The following ZNF655 variants were observed in gnomAD, a reference collection of about 807,000 sequenced individuals.
The protein encoded by ZNF655 is Vav-interacting Kruppel-like protein 1.
Under a neutral mutation model 6.6 loss-of-function variants are expected in ZNF655, and 3 were observed. That is an observed-to-expected ratio of 0.46 (90% confidence interval 0.21 to 1.18). ZNF655 has a LOEUF of 1.18. Ranked by LOEUF, ZNF655 falls within the 50% of genes most tolerant of loss-of-function variation. ZNF655 has a pLI of 0.24. For missense variants in ZNF655, 526 were observed against 572.3 expected (o/e 0.92, Z 0.83); for synonymous variants, 178 against 195.0 (o/e 0.91, Z 0.73).
intron 2 of ZNF655, chr7:99,562,577 G>T: frequency 7.0e-7 from 1 of 1,423,306 alleles, no homozygotes; most frequent in Non-Finnish European, 9.5e-7. Context: ...TCTCTGAGAA[G>T]GTCTGTAGAG....
intron 2 of ZNF655, chr7:99,562,243 T>A: frequency 2.4e-6 from 3 of 1,229,730 alleles, no homozygotes; most frequent in Non-Finnish European, 3.4e-6. Flanking sequence ...TTCCGTAGGT[T>A]CTAATCTGTT....
At chr7:99,561,218 AT>A (rs1167292934) in intron 2 of ZNF655, among the ~76,000 whole-genome samples, 2 of 152,206 alleles carry the variant, frequency 1.3e-5, no homozygotes, top group Non-Finnish European at 2.9e-5. Flanking sequence ...TATATACTGT[AT>A]TTTGACTACG....
At chr7:99,562,597 G>A in intron 2 of ZNF655, 1 of 1,212,788 alleles carries the variant, frequency 8.2e-7, no homozygotes, top group Non-Finnish European at 1.1e-6. Context: ...GTGTGGCTTA[G>A]ATTCCAGGAC....
Position 99,573,510 on chromosome 7 carries a change from G to A in ZNF655, c.1402G>A (p.Val468Ile), listed in dbSNP as rs755864912. Residue 468 changes from valine to isoleucine, a missense_variant, in exon 3 of 3, where the codon GTA becomes ATA. Val to Ile is a conservative substitution (Grantham distance 29, BLOSUM62 3). Coordinates refer to ENST00000252713, the MANE Select transcript of ZNF655 (RefSeq NM_138494.3). Reference protein sequence around the residue: ...LTRQKAFDCDVWEKNSSQRAH... With the variant: ...LTRQKAFDCDIWEKNSSQRAH... ...CAGACAGAAAGCCTTTGATTGTGAT[G>A]TATGGGAAAAGAACTCCAGTCAGAG... 3 of 1,612,076 alleles carry A rather than the reference G, an allele frequency of 1.9e-6. No individual in the cohort carries two copies. The highest frequency in any genetic ancestry group is 4.5e-5 in the East Asian group (2 of 44,874).
intron 2 of ZNF655, among the ~76,000 whole-genome samples, chr7:99,564,946 A>G (rs551503606): frequency 2.0e-5 from 3 of 152,266 alleles, no homozygotes; most frequent in African/African-American, 7.2e-5. Flanking sequence ...TTATTTTTAC[A>G]ATCCTTGGGA....
chr7:99,573,269 A>G lies in ZNF655; in HGVS notation c.1161A>G (p.Lys387=). ...EKPYTCSECG[K]DFRLNSHLIQ... ...CCTATACGTGTAGTGAATGTGGAAA[A>G]GACTTCAGATTGAATTCACATCTTA... Residue 387 remains lysine, a synonymous_variant, in exon 3 of 3, where the codon AAA becomes AAG. Coordinates refer to ENST00000252713, the MANE Select transcript of ZNF655 (RefSeq NM_138494.3). 1 of 1,614,192 alleles carries G rather than the reference A, an allele frequency of 6.2e-7. No homozygotes were observed. The highest frequency in any genetic ancestry group is 8.5e-7 in the Non-Finnish European group (1 of 1,180,012).
chr7:99,572,101 G>T lies in ZNF655; in HGVS notation c.137-144G>T, dbSNP rs1471155967. On this transcript the variant is annotated intron_variant, in intron 2 of 2. Coordinates refer to ENST00000252713, the MANE Select transcript of ZNF655 (RefSeq NM_138494.3). ...GTTTATGCCCTTAACTTCTGCTGTT[G>T]AGATTTTGTGCCTGTTTTTCAGAGT... 5.8e-6 allele frequency: 5 copies of T among 858,878 alleles called. No homozygotes were observed. The East Asian group carries it at 1.3e-4, about 23-fold the overall frequency. 53.2% of individuals were successfully genotyped at this position (858,878 alleles called of 1,614,324 possible). A position where few individuals can be genotyped will look rare whatever the true frequency, so the allele number is the denominator to read the frequency against.
chr7:99,559,442 A>C (rs1283595046), intron 1 of ZNF655, among the ~76,000 whole-genome samples: 1 of 151,844 alleles, frequency 6.6e-6, no homozygotes, highest in Non-Finnish European at 1.5e-5. Context: ...TTCACGCCGT[A>C]ATCCCCGCAC....
At chr7:99,561,284 T>C (rs1803132845) in intron 2 of ZNF655, among the ~76,000 whole-genome samples, 1 of 152,258 alleles carries the variant, frequency 6.6e-6, no homozygotes, top group African/African-American at 2.4e-5. Flanking sequence ...TCCTTTGTTT[T>C]ATAAGAGCTG....
intron 2 of ZNF655, chr7:99,564,709 G>A: frequency 2.0e-6 from 2 of 985,168 alleles, no homozygotes; most frequent in Non-Finnish European, 1.2e-6. Context: ...CAGTTAACCT[G>A]TCTACTTTTT....
In ZNF655 at chr7:99,573,410, A is replaced by G. The variant is rs777433363; in HGVS notation, c.1302A>G (p.Lys434=). 1.5e-5 allele frequency: 25 copies of G among 1,614,032 alleles called. No individual in the cohort carries two copies. The East Asian group carries it at 5.1e-4, about 33-fold the overall frequency. ...IQHHKMHRKE[K]SYECNEYEGS... ...ATCACAAAATGCATAGGAAAGAGAA[A>G]TCGTATGAATGTAATGAGTATGAGG... Residue 434 remains lysine, a synonymous_variant, in exon 3 of 3, where the codon AAA becomes AAG. Transcript: ENST00000252713.
At chr7:99,562,501 ACTTC>A (rs1258975653) in intron 2 of ZNF655, 2 of 1,606,764 alleles carry the variant, frequency 1.2e-6, no homozygotes, top group Non-Finnish European at 1.7e-6. Context: ...CTGGGTAAGG[ACTTC>A]CTTATTATTC....
chr7:99,565,421 G>A (rs1302988001), intron 2 of ZNF655, among the ~76,000 whole-genome samples: 1 of 152,004 alleles, frequency 6.6e-6, no homozygotes, highest in Non-Finnish European at 1.5e-5. Context: ...CGCCTGTCTC[G>A]GCCTCCCAAA....
chr7:99,572,979 A>G lies in ZNF655; in HGVS notation c.871A>G (p.Ile291Val), dbSNP rs1395067523. ...ATCCTGTAGTCCAAGCTCAGGCATAATTCAGCATAAGAAAATTCACACCAG... is the reference window on the plus strand; with the variant it reads ...ATCCTGTAGTCCAAGCTCAGGCATAGTTCAGCATAAGAAAATTCACACCAG... ...DKSCSPSSGI[I>V]QHKKIHTRAK... is the part of the protein sequence containing the mutation. Residue 291 changes from isoleucine (I) to valine (V), a missense_variant, in exon 3 of 3, where the codon ATT (isoleucine) becomes GTT (valine). By Grantham distance (29) the Ile-to-Val change is conservative. Coordinates refer to ENST00000252713, the MANE Select transcript of ZNF655 (RefSeq NM_138494.3). 1 of 1,614,196 alleles carries G rather than the reference A, an allele frequency of 6.2e-7. No individual in the cohort carries two copies. The highest frequency in any genetic ancestry group is 8.5e-7 in the Non-Finnish European group (1 of 1,180,006).
intron 2 of ZNF655, chr7:99,562,248 T>C: frequency 7.7e-7 from 1 of 1,291,160 alleles, no homozygotes; most frequent in Non-Finnish European, 1.1e-6. Context: ...TAGGTTCTAA[T>C]CTGTTCTCCC....
chr7:99,567,783 C>T (rs762761374), intron 2 of ZNF655, among the ~76,000 whole-genome samples: 10 of 151,940 alleles, frequency 6.6e-5, no homozygotes, highest in Admixed American at 3.9e-4. Flanking sequence ...TGGCTTGTGT[C>T]GGGTGCGGTG....
rs764670239 is a variant in ZNF655, at chr7:99,573,605, T to C, written c.*21T>C. 3 of 1,583,050 alleles carry C rather than the reference T, an allele frequency of 1.9e-6. No homozygotes were observed. The African/African-American group carries it at 4.0e-5, about 21-fold the overall frequency. ...CATGAATGTAATGAAGATGGGAAGATATTTATCAAATTCAGGCTTCATTCA... is the reference window on the plus strand; with the variant it reads ...CATGAATGTAATGAAGATGGGAAGACATTTATCAAATTCAGGCTTCATTCA... On this transcript the variant is annotated 3_prime_UTR_variant, in exon 3 of 3. Transcript: ENST00000252713.
At position 99,575,553 on chromosome 7, in the gene ZNF655, AC is replaced by A; in HGVS notation, c.*1970del. ...CTCTCTCTCAAAAAAACACAAAAAA[AC>A]AAAAACAAAAAACCATACACACACA... On this transcript the variant is annotated 3_prime_UTR_variant, in exon 3 of 3. Coordinates refer to ENST00000252713, the MANE Select transcript of ZNF655 (RefSeq NM_138494.3). 1 of 147,186 alleles carries A rather than the reference AC, an allele frequency of 6.8e-6. No individual in the cohort carries two copies. Among genetic ancestry groups the A allele is most frequent in the Non-Finnish European group, 1.5e-5 (1 of 67,502 alleles). 9.1% of individuals were successfully genotyped at this position (147,186 alleles called of 1,614,324 possible). A position where few individuals can be genotyped will look rare whatever the true frequency, so the allele number is the denominator to read the frequency against.
intron 2 of ZNF655, among the ~76,000 whole-genome samples, chr7:99,565,261 C>T (rs1378416895): frequency 1.3e-5 from 2 of 152,070 alleles, no homozygotes; most frequent in South Asian, 2.1e-4. Flanking sequence ...CTCCACCTCC[C>T]GGCTTCATGC....
Sources: allele counts gnomAD v4.1 joint callset (sites outside exome capture counted in the v4.1 genomes callset), GRCh38; gene constraint gnomAD v4.1.1; transcripts MANE v1.5; gene names NCBI Gene and HGNC (gene_info 2026-07-23, HGNC 2026-07-21).